The following GRIK2 variants were observed in gnomAD, a reference collection of about 807,000 sequenced individuals.
GRIK2 encodes glutamate ionotropic receptor kainate type subunit 2, also known as glutamate receptor ionotropic, kainate 2.
A neutral mutation model predicts 100.3 loss-of-function variants in GRIK2; 32 were observed. That is an observed-to-expected ratio of 0.32 (90% CI 0.24 to 0.43). The LOEUF (loss-of-function observed/expected upper bound fraction) is 0.43. GRIK2 is among the 20% of genes least tolerant of loss of function. The pLI, the probability that GRIK2 is intolerant of heterozygous loss-of-function variation, is 1.00. For synonymous variants in GRIK2, 417 were observed against 389.4 expected (o/e 1.07, Z -0.83); for missense variants, 843 against 1,114.9 (o/e 0.76, Z 3.47).
chr6:101,946,323 CTT>C (rs2128477402), intron 14 of GRIK2, among the ~76,000 whole-genome samples: 1 of 151,832 alleles, frequency 6.6e-6, no homozygotes, highest in East Asian at 2.0e-4. Context: ...ATAAACATAA[CTT>C]CAGAAGATTT....
chr6:101,675,266 C>T (rs1331395713), intron 4 of GRIK2, among the ~76,000 whole-genome samples: 2 of 150,674 alleles, frequency 1.3e-5, no homozygotes, highest in South Asian at 2.1e-4. Flanking sequence ...ACAGACAGTA[C>T]ATGTACGCAC....
chr6:102,026,930 C>T (rs897240992), intron 14 of GRIK2, among the ~76,000 whole-genome samples: 3 of 151,192 alleles, frequency 2.0e-5, no homozygotes, highest in Admixed American at 6.6e-5. Context: ...TGAATTAACT[C>T]TAATTTCCTA....
At chr6:101,567,662 T>C (rs1777342369) in intron 2 of GRIK2, among the ~76,000 whole-genome samples, 1 of 151,994 alleles carries the variant, frequency 6.6e-6, no homozygotes, top group South Asian at 2.1e-4. Context: ...TTGAGTTGCC[T>C]ACCTGTTTGG....
At chr6:101,832,838 C>G (rs1384727315) in intron 10 of GRIK2, among the ~76,000 whole-genome samples, 1 of 152,166 alleles carries the variant, frequency 6.6e-6, no homozygotes, top group Non-Finnish European at 1.5e-5. Flanking sequence ...AATCAAAGAA[C>G]TGTCTAGATG....
chr6:101,979,368 C>G lies in GRIK2; in HGVS notation c.2085+50736C>G, dbSNP rs546301965. Reference sequence around the variant, plus strand: ...TGATAGAAAAAGAGAGTCAATATCCCATGATATTGAAACAAATAGCTACCG... The same window carrying G: ...TGATAGAAAAAGAGAGTCAATATCCGATGATATTGAAACAAATAGCTACCG... On this transcript the variant is annotated intron_variant, in intron 14 of 16. Coordinates refer to ENST00000369134, the MANE Select transcript of GRIK2 (RefSeq NM_021956.5). Among the ~76,000 whole-genome samples, 16 of 152,012 alleles carry G rather than the reference C, an allele frequency of 1.1e-4. No homozygotes were observed. In the East Asian group the frequency reaches 2.9e-3, roughly 28 times the overall value.
chr6:101,440,862 A>T (rs1770004753), intron 2 of GRIK2, among the ~76,000 whole-genome samples: 1 of 150,736 alleles, frequency 6.6e-6, no homozygotes, highest in African/African-American at 2.4e-5. Flanking sequence ...CCTCCTTGTC[A>T]GATTCTACGA....
chr6:101,860,550 G>C (rs1413323368), intron 11 of GRIK2, among the ~76,000 whole-genome samples: 1 of 152,092 alleles, frequency 6.6e-6, no homozygotes, highest in East Asian at 1.9e-4. Context: ...TGAAGCACAG[G>C]ACATGAAAAT....
intron 2 of GRIK2, among the ~76,000 whole-genome samples, chr6:101,619,082 T>A (rs1336907482): frequency 1.3e-5 from 2 of 150,538 alleles, no homozygotes; most frequent in African/African-American, 4.9e-5. Context: ...TTAAATAGAA[T>A]TAAAAAGTTC....
intron 2 of GRIK2, among the ~76,000 whole-genome samples, chr6:101,595,708 G>GTATATATATA (rs1334674645): frequency 4.9e-4 from 62 of 125,586 alleles, no homozygotes; most frequent in African/African-American, 1.9e-3. Flanking sequence ...ATGTGTGTGT[G>GTATATATATA]TGTGTGTGTG....
At chr6:101,464,851 G>C (rs567938171) in intron 2 of GRIK2, among the ~76,000 whole-genome samples, 173 of 152,064 alleles carry the variant, frequency 1.1e-3, no homozygotes, top group Non-Finnish European at 1.1e-3. Context: ...ACTTTGTGGT[G>C]GATTTTTCGA....
At chr6:101,975,623 A>G (rs1381218454) in intron 14 of GRIK2, among the ~76,000 whole-genome samples, 3 of 151,952 alleles carry the variant, frequency 2.0e-5, no homozygotes, top group African/African-American at 7.2e-5. Context: ...GAGGAAATAG[A>G]AACAGCATGT....
intron 2 of GRIK2, among the ~76,000 whole-genome samples, chr6:101,433,883 G>C (rs904603595): frequency 7.2e-5 from 11 of 152,164 alleles, no homozygotes; most frequent in Admixed American, 2.0e-4. Flanking sequence ...ACTCTCAAGA[G>C]TAGCTTAAGG....
intron 2 of GRIK2, among the ~76,000 whole-genome samples, chr6:101,588,383 G>C (rs1213584752): frequency 6.6e-6 from 1 of 152,070 alleles, no homozygotes; most frequent in East Asian, 1.9e-4. Context: ...GGTGTGCAGG[G>C]GCGGGGAGGA....
chr6:101,724,182 TA>T (rs67211323), intron 7 of GRIK2, among the ~76,000 whole-genome samples: 10,863 of 133,404 alleles, frequency 0.081, 547 homozygotes, highest in African/African-American at 0.13. Context: ...ATAGTCTTTA[TA>T]AAAAAAAAAA....
chr6:101,827,631 G>A (rs1048903202), intron 10 of GRIK2, among the ~76,000 whole-genome samples: 2 of 151,822 alleles, frequency 1.3e-5, no homozygotes, highest in East Asian at 1.9e-4. Flanking sequence ...TGCTATTTTT[G>A]TATTAGATAA....
At chr6:101,914,594 C>T (rs940451019) in intron 12 of GRIK2, among the ~76,000 whole-genome samples, 7 of 151,448 alleles carry the variant, frequency 4.6e-5, no homozygotes, top group African/African-American at 7.2e-5. Flanking sequence ...GAGTGTGAGT[C>T]GTATTACTGA....
intron 2 of GRIK2, among the ~76,000 whole-genome samples, chr6:101,592,499 C>G (rs1454920569): frequency 6.7e-6 from 1 of 149,316 alleles, no homozygotes; most frequent in Non-Finnish European, 1.5e-5. Context: ...CTGGGAAGAC[C>G]AGCTGACAAC....
intron 2 of GRIK2, among the ~76,000 whole-genome samples, chr6:101,515,810 A>G (rs935215662): frequency 2.0e-5 from 3 of 151,996 alleles, no homozygotes; most frequent in Non-Finnish European, 4.4e-5. Context: ...TAGATTATGG[A>G]TATTAGTCCT....
chr6:101,516,301 C>T (rs1365924485), intron 2 of GRIK2, among the ~76,000 whole-genome samples: 1 of 151,978 alleles, frequency 6.6e-6, no homozygotes, highest in African/African-American at 2.4e-5. Context: ...GCAAAAAGAA[C>T]AAATCTGGAG....
Sources: gnomAD v4.1 joint callset for allele counts (sites outside exome capture counted in the v4.1 genomes callset) on GRCh38, gnomAD v4.1.1 for gene constraint, MANE v1.5 for transcripts, NCBI Gene and HGNC (gene_info 2026-07-23, HGNC 2026-07-21) for gene names.